RPUSD4: variants seen among roughly 807,000 people sequenced by gnomAD.
The protein encoded by RPUSD4 is pseudouridylate synthase RPUSD4, mitochondrial.
In RPUSD4, 37 loss-of-function variants were observed where a neutral mutation model predicts 35.4. The ratio of observed to expected loss-of-function variants is 1.04; its 90% CI spans 0.80 to 1.37. The LOEUF (loss-of-function observed/expected upper bound fraction) is 1.37, where lower values mean the gene tolerates loss of function less well. RPUSD4 is among the 40% of genes most tolerant of loss of function. The pLI, the probability that RPUSD4 is intolerant of heterozygous loss-of-function variation, is 0.00. For missense variants in RPUSD4, 507 were observed against 484.9 expected (o/e 1.05, Z -0.43); for synonymous variants, 210 against 192.7 (o/e 1.09, Z -0.74).
chr11:126,206,903 T>C (rs1056560382), intron 3 of RPUSD4, among the ~76,000 whole-genome samples: 4 of 152,186 alleles, frequency 2.6e-5, no homozygotes, highest in African/African-American at 9.7e-5. Flanking sequence ...TTCCTAATGA[T>C]ATGACACTAC....
chr11:126,207,831 T>C (rs1949788262), intron 3 of RPUSD4, among the ~76,000 whole-genome samples: 2 of 146,984 alleles, frequency 1.4e-5, no homozygotes, highest in Admixed American at 6.8e-5. Context: ...ACAGCAAGAC[T>C]CCATCTCAAA....
At chr11:126,208,125 T>TA (rs965178780) in intron 3 of RPUSD4, among the ~76,000 whole-genome samples, 12 of 152,148 alleles carry the variant, frequency 7.9e-5, no homozygotes, top group South Asian at 4.1e-4. Context: ...TGTAAACTGA[T>TA]AAAAAACCTT....
Position 126,202,131 on chromosome 11 carries a change from T to C in RPUSD4, c.*1287A>G, listed in dbSNP as rs1481045100. ...AAGTTAAATTTATTATGCACAGTAA[T>C]GGGTACCATGGAGACAGGGAAAGGG... On this transcript the variant is annotated 3_prime_UTR_variant, in exon 7 of 7. Transcript: ENST00000298317. 1.3e-5 allele frequency: 2 copies of C among 152,242 alleles called. No individual in the cohort carries two copies. Among genetic ancestry groups the C allele is most frequent in the African/African-American group, 2.4e-5 (1 of 41,470 alleles). 9.4% of individuals were successfully genotyped at this position (152,242 alleles called of 1,614,324 possible).
chr11:126,207,928 C>T (rs191070245), intron 3 of RPUSD4, among the ~76,000 whole-genome samples: 2 of 152,082 alleles, frequency 1.3e-5, no homozygotes, highest in Admixed American at 6.5e-5. Context: ...AATAATCAGT[C>T]TGTTCCCAAA....
rs554762677 is a variant in RPUSD4 at position 126,203,213 on chromosome 11, T to C, written c.*205A>G. ...ACAGTGCAGCCAAACTATCAGTAAATAGACTTTGTTCTCCATTAAAAGCCC... is the reference window on the plus strand; with the variant it reads ...ACAGTGCAGCCAAACTATCAGTAAACAGACTTTGTTCTCCATTAAAAGCCC... On this transcript the variant is annotated 3_prime_UTR_variant, in exon 7 of 7. Coordinates refer to ENST00000298317, the MANE Select transcript of RPUSD4 (RefSeq NM_032795.3). 515 of 661,368 alleles carry C rather than the reference T, an allele frequency of 7.8e-4. 1 individual carries two copies. The highest frequency in any genetic ancestry group is 1.2e-3 in the Non-Finnish European group (468 of 403,038). The allele number at this position is 661,368 out of a possible 1,614,324, so 41.0% of individuals were successfully genotyped here.
rs1344953579 is a variant in RPUSD4, at chr11:126,209,580, C to T, written c.498G>A (p.Lys166=). Residue 166 remains lysine (K), a synonymous_variant, in exon 3 of 7, where the codon AAG becomes AAA. Transcript: ENST00000298317. ...ACTCTTGGACTTGATGTGCCATGTC[C>T]TTGTCCCAAGCCAACACCATTACAC... The part of the protein sequence containing the change: ...TTGVMVLAWD[K]DMAHQVQELF... 5.0e-6 allele frequency: 8 copies of T among 1,614,128 alleles called. No individual in the cohort carries two copies. The highest frequency in any genetic ancestry group is 6.8e-6 in the Non-Finnish European group (8 of 1,180,056).
chr11:126,204,560 T>C (rs970863895), intron 5 of RPUSD4, among the ~76,000 whole-genome samples: 1 of 152,186 alleles, frequency 6.6e-6, no homozygotes, highest in Non-Finnish European at 1.5e-5. Context: ...CACAATTCCC[T>C]CTTTCCACCA....
chr11:126,211,524 T>TAGAGGC lies in RPUSD4; in HGVS notation c.109_114dup (p.Ala37_Ser38dup), dbSNP rs762201614. ...GCTAATCTCTGGGCATTTATGGCCG[T>TAGAGGC]AGAGGCAGCGGCAGCGGCACAAAAT... On this transcript the variant is annotated inframe_insertion, in exon 1 of 7. Transcript: ENST00000298317. The TAGAGGC allele has an allele frequency of 3.7e-6, 6 of 1,614,020 alleles. No homozygotes were observed. In the East Asian group the frequency reaches 1.3e-4, roughly 36 times the overall value.
intron 2 of RPUSD4, 82 bp downstream of exon 2, chr11:126,210,808 C>G: frequency 7.2e-7 from 1 of 1,380,938 alleles, no homozygotes; most frequent in East Asian, 2.3e-5. Flanking sequence ...CTTTAGAGTG[C>G]ACCACAAGTA....
intron 3 of RPUSD4, 155 bp from the exon 4 acceptor site, chr11:126,205,936 C>A: frequency 3.7e-6 from 2 of 534,816 alleles, no homozygotes; most frequent in South Asian, 3.5e-5. Flanking sequence ...TAATGCTTAG[C>A]CTGAGAGCTG....
At chr11:126,204,149 G>T in intron 6 of RPUSD4, 82 bp downstream of exon 6, 1 of 949,310 alleles carries the variant, frequency 1.1e-6, no homozygotes, top group Non-Finnish European at 1.7e-6. Flanking sequence ...AGGCTTTGTT[G>T]TAACTCATTT....
At position 126,209,521 on chromosome 11, in the gene RPUSD4, C is replaced by A; in HGVS notation, c.557G>T (p.Trp186Leu). ...FRTRQVVKKY[W>L]AITVHVPMPS... is the part of the protein sequence containing the mutation. ...CTACTGCCATCAGCAGGCCTCATAC[C>A]AGTACTTCTTCACCACCTGACGGGT... The change falls in exon 3 of 7, where the codon TGG (tryptophan) becomes TTG (leucine). Residue 186 changes from tryptophan to leucine, a missense_variant and splice_region_variant. Coordinates refer to ENST00000298317, the MANE Select transcript of RPUSD4 (RefSeq NM_032795.3). 4.3e-6 allele frequency: 7 copies of A among 1,613,938 alleles called. No individual in the cohort carries two copies. The highest frequency in any genetic ancestry group is 5.9e-6 in the Non-Finnish European group (7 of 1,179,822).
chr11:126,210,520 T>TACACACACAC (rs1555047309), intron 2 of RPUSD4, among the ~76,000 whole-genome samples: 1 of 60,254 alleles, frequency 1.7e-5, no homozygotes, highest in Non-Finnish European at 3.4e-5. Context: ...CCAACATACA[T>TACACACACAC]ACACACACAC....
chr11:126,208,946 C>G (rs1036752486), intron 3 of RPUSD4: 3 of 152,240 alleles, frequency 2.0e-5, no homozygotes, highest in African/African-American at 7.2e-5. Flanking sequence ...TGTTGTTTGA[C>G]TATTTTTAGC....
intron 2 of RPUSD4, among the ~76,000 whole-genome samples, chr11:126,210,512 A>AACAT (rs1555047291): frequency 6.5e-5 from 8 of 122,902 alleles, no homozygotes; most frequent in African/African-American, 2.1e-4. Flanking sequence ...CATATACTCC[A>AACAT]ACATACATAC....
At chr11:126,210,753 TATTGGACGG>T in intron 2 of RPUSD4, 128 bp downstream of exon 2, 3 of 721,576 alleles carry the variant, frequency 4.2e-6, no homozygotes, top group South Asian at 2.2e-5. Context: ...TGGTTCCTTA[TATTGGACGG>T]TAGTTTACAA....
chr11:126,211,628 G>A lies in RPUSD4; in HGVS notation c.11C>T (p.Pro4Leu), dbSNP rs140399413. 574 of 1,612,806 alleles carry A rather than the reference G, an allele frequency of 3.6e-4. No homozygotes were observed. Among genetic ancestry groups the A allele is most frequent in the Middle Eastern group, 6.6e-4 (4 of 6,030 alleles). Residue 4 changes from proline (P) to leucine (L), a missense_variant, in exon 1 of 7, where the codon CCC (proline) becomes CTC (leucine). Physicochemically the swap from Pro to Leu is moderately conservative, Grantham distance 98. Transcript: ENST00000298317. ...CCAGGGGCCCGACGCGCTCCACCTGGGCGCCGCCATCTTACAAGGAAGGGC... is the reference window on the plus strand; with the variant it reads ...CCAGGGGCCCGACGCGCTCCACCTGAGCGCCGCCATCTTACAAGGAAGGGC... MAA[P>L]RWSASGPWIR... is the part of the protein sequence containing the mutation.
chr11:126,208,802 T>C (rs1202579685), intron 3 of RPUSD4: 1 of 152,278 alleles, frequency 6.6e-6, no homozygotes, highest in African/African-American at 2.4e-5. Flanking sequence ...CTGTATACAC[T>C]AGACATATAT....
intron 6 of RPUSD4, 34 bp from the exon 7 acceptor site, chr11:126,203,691 G>T: frequency 6.3e-7 from 1 of 1,592,672 alleles, no homozygotes. Context: ...TTGAGAGCAA[G>T]GCCAACAGTC....
Sources: gnomAD v4.1 joint callset for allele counts (sites outside exome capture counted in the v4.1 genomes callset) on GRCh38, gnomAD v4.1.1 for gene constraint, MANE v1.5 for transcripts, NCBI Gene and HGNC (gene_info 2026-07-23, HGNC 2026-07-21) for gene names.